Variants in EPHA3 observed in about 807,000 individuals in gnomAD.
EPHA3 encodes the protein ephrin type-A receptor 3.
A neutral mutation model predicts 107.1 loss-of-function variants in EPHA3; 42 were observed. That is an observed-to-expected ratio of 0.39 (90% CI 0.31 to 0.51). The LOEUF (loss-of-function observed/expected upper bound fraction) is 0.51, where lower values mean the gene tolerates loss of function less well. EPHA3 is among the 20% of genes least tolerant of loss of function. EPHA3 has a pLI of 0.78. For synonymous variants in EPHA3, 461 were observed against 424.8 expected, an observed-to-expected ratio of 1.09 and a Z score of -1.05; for missense variants, 1,183 against 1,211.2, an observed-to-expected ratio of 0.98 and a Z score of 0.35.
At chr3:89,370,423 C>G (rs534621623) in intron 5 of EPHA3, among the ~76,000 whole-genome samples, 2 of 151,382 alleles carry the variant, frequency 1.3e-5, no homozygotes, top group Non-Finnish European at 2.9e-5. Flanking sequence ...AACCAAACAC[C>G]GCATGTTCTC....
intron 3 of EPHA3, among the ~76,000 whole-genome samples, chr3:89,234,689 CCTTTCCTT>C (rs1336624262): frequency 6.6e-6 from 1 of 151,266 alleles, no homozygotes; most frequent in Non-Finnish European, 1.5e-5. Context: ...CTCCTTTCCT[CCTTTCCTT>C]CCTTCTTTCC....
chr3:89,147,795 G>C (rs1342618668), intron 2 of EPHA3, among the ~76,000 whole-genome samples: 1 of 151,812 alleles, frequency 6.6e-6, no homozygotes, highest in Non-Finnish European at 1.5e-5. Context: ...TGGAAATAAT[G>C]ACTACTAACA....
intron 3 of EPHA3, among the ~76,000 whole-genome samples, chr3:89,289,558 T>C (rs1158458458): frequency 6.6e-6 from 1 of 152,180 alleles, no homozygotes; most frequent in Non-Finnish European, 1.5e-5. Context: ...ATCTGAGGTA[T>C]ATATAATATC....
rs1451351502 is a variant in EPHA3, at chr3:89,350,129, C to T, written c.1306+8039C>T. Among the ~76,000 whole-genome samples the T allele has an allele frequency of 3.3e-5, 5 of 150,798 alleles. No individual in the cohort carries two copies. In the South Asian group the frequency reaches 6.3e-4, roughly 19 times the overall value. ...CTCTTCTCGAGGAGTATCTTTGTGG[C>T]ATTCTCTGTATTTCCTGAATGTGAA... On this transcript the variant is annotated intron_variant, in intron 5 of 16. Coordinates refer to ENST00000336596, the MANE Select transcript of EPHA3 (RefSeq NM_005233.6).
intron 5 of EPHA3, among the ~76,000 whole-genome samples, chr3:89,343,105 A>G (rs970345387): frequency 6.6e-6 from 1 of 152,176 alleles, no homozygotes; most frequent in African/African-American, 2.4e-5. Flanking sequence ...CTCTGAGAAT[A>G]TCAGAATGTG....
chr3:89,438,233 G>A (rs939630809), intron 13 of EPHA3, among the ~76,000 whole-genome samples: 4 of 151,642 alleles, frequency 2.6e-5, no homozygotes, highest in South Asian at 2.1e-4. Flanking sequence ...CTCAGCCTCC[G>A]GAGTAGCTGG....
intron 2 of EPHA3, among the ~76,000 whole-genome samples, chr3:89,183,186 T>G (rs1705484351): frequency 6.6e-6 from 1 of 151,970 alleles, no homozygotes; most frequent in Non-Finnish European, 1.5e-5. Flanking sequence ...TAGCTACAGA[T>G]TTAGTTATTA....
chr3:89,280,262 A>T (rs777508006), intron 3 of EPHA3, among the ~76,000 whole-genome samples: 1 of 152,190 alleles, frequency 6.6e-6, no homozygotes, highest in African/African-American at 2.4e-5. Context: ...TGGAAGTTGG[A>T]TGGACTTTTC....
At chr3:89,304,613 A>C (rs969540004) in intron 3 of EPHA3, among the ~76,000 whole-genome samples, 4 of 152,124 alleles carry the variant, frequency 2.6e-5, no homozygotes, top group African/African-American at 9.7e-5. Flanking sequence ...TGATCAGATC[A>C]GTGGTGAGCT....
At chr3:89,310,345 A>C (rs1706734367) in intron 3 of EPHA3, among the ~76,000 whole-genome samples, 1 of 152,104 alleles carries the variant, frequency 6.6e-6, no homozygotes, top group African/African-American at 2.4e-5. Context: ...TATAATGCAC[A>C]GAATAATGTC....
chr3:89,450,476 T>C, intron 15 of EPHA3, 106 bp downstream of exon 15: 3 of 1,065,850 alleles, frequency 2.8e-6, no homozygotes, highest in Non-Finnish European at 2.7e-6. Context: ...ATTTGAAGCT[T>C]GTATTCCACC....
chr3:89,203,338 AAC>A (rs1407941589), intron 2 of EPHA3, among the ~76,000 whole-genome samples: 8 of 142,768 alleles, frequency 5.6e-5, no homozygotes, highest in South Asian at 2.2e-4. Flanking sequence ...AAAAAAACAA[AAC>A]AAAACAAAAC....
At chr3:89,418,540 G>A (rs1206569561) in intron 10 of EPHA3, among the ~76,000 whole-genome samples, 1 of 151,146 alleles carries the variant, frequency 6.6e-6, no homozygotes, top group East Asian at 1.9e-4. Flanking sequence ...TGGATTAATT[G>A]CACATTGAAG....
At chr3:89,178,815 G>A (rs1705375232) in intron 2 of EPHA3, among the ~76,000 whole-genome samples, 1 of 151,792 alleles carries the variant, frequency 6.6e-6, no homozygotes, top group Non-Finnish European at 1.5e-5. Context: ...AAAGAAAAGT[G>A]TTTTATATCA....
intron 2 of EPHA3, among the ~76,000 whole-genome samples, chr3:89,180,511 T>C (rs1705419200): frequency 6.6e-6 from 1 of 152,052 alleles, no homozygotes; most frequent in Admixed American, 6.6e-5. Flanking sequence ...GGGTCAAATA[T>C]TGTTTTGACA....
intron 13 of EPHA3, among the ~76,000 whole-genome samples, chr3:89,434,575 G>A (rs1257223102): frequency 6.6e-6 from 1 of 152,088 alleles, no homozygotes; most frequent in African/African-American, 2.4e-5. Flanking sequence ...TTGATTGCCA[G>A]GATACTCAAA....
chr3:89,436,574 A>C (rs1168163353), intron 13 of EPHA3, among the ~76,000 whole-genome samples: 1 of 152,202 alleles, frequency 6.6e-6, no homozygotes, highest in East Asian at 1.9e-4. Context: ...CTGAACATAG[A>C]ATGTCTGTCG....
intron 2 of EPHA3, among the ~76,000 whole-genome samples, chr3:89,166,876 G>A (rs1705084036): frequency 6.6e-6 from 1 of 152,094 alleles, no homozygotes; most frequent in Admixed American, 6.6e-5. Flanking sequence ...AAAAACACAA[G>A]CACAGCAACC....
chr3:89,125,733 A>G (rs1704084027), intron 1 of EPHA3, among the ~76,000 whole-genome samples: 1 of 151,720 alleles, frequency 6.6e-6, no homozygotes, highest in Non-Finnish European at 1.5e-5. Context: ...AACGTAAAGA[A>G]TCTAACTTTG....
Sources: allele counts gnomAD v4.1 joint callset (sites outside exome capture counted in the v4.1 genomes callset), GRCh38; gene constraint gnomAD v4.1.1; transcripts MANE v1.5; gene names NCBI Gene and HGNC (gene_info 2026-07-23, HGNC 2026-07-21).